GPHN: variants seen among roughly 807,000 people sequenced by gnomAD.
The protein encoded by GPHN is gephyrin.
Under a neutral mutation model 95.5 loss-of-function variants are expected in GPHN, and 17 were observed. That is an observed-to-expected ratio of 0.18 (90% CI 0.12 to 0.27). GPHN has a LOEUF of 0.27. Among genes scored for constraint, GPHN ranks in the 10% least tolerant of loss-of-function variants. The pLI is 1.00. For synonymous variants in GPHN, 320 were observed against 322.5 expected, an observed-to-expected ratio of 0.99 and a Z score of 0.08; for missense variants, 660 against 978.1, an observed-to-expected ratio of 0.67 and a Z score of 4.34.
intron 8 of GPHN, among the ~76,000 whole-genome samples, chr14:66,941,201 T>C (rs1049167929): frequency 5.3e-5 from 8 of 152,130 alleles, no homozygotes; most frequent in African/African-American, 7.2e-5. Flanking sequence ...TAGAATGTAA[T>C]GACAAATGTA....
the GPHN span, among the ~76,000 whole-genome samples, chr14:67,606,183 G>GA: frequency 1.1e-4 from 17 of 152,068 alleles, no homozygotes; most frequent in African/African-American, 4.1e-4. Context: ...ATGACAGTGG[G>GA]AAAAAAATAG....
the GPHN span, among the ~76,000 whole-genome samples, chr14:67,284,783 A>G: frequency 4.6e-5 from 7 of 151,944 alleles, no homozygotes; most frequent in East Asian, 9.6e-4. Flanking sequence ...ACTTACCATT[A>G]TGTTTTCAGG....
intron 10 of GPHN, among the ~76,000 whole-genome samples, chr14:67,027,671 C>T (rs954323872): frequency 4.0e-5 from 6 of 151,666 alleles, no homozygotes; most frequent in South Asian, 4.2e-4. Context: ...TGTGTTTTAT[C>T]GGACAAGTGG....
the GPHN span, chr14:67,270,332 T>C: frequency 2.0e-5 from 3 of 152,254 alleles, no homozygotes; most frequent in Admixed American, 2.0e-4. Flanking sequence ...CTTTGTGGAC[T>C]ATGTAAAGAT....
the GPHN span, chr14:67,662,409 C>A: frequency 7.5e-7 from 1 of 1,331,044 alleles, no homozygotes; most frequent in East Asian, 2.3e-5. Flanking sequence ...TTGTGATCAG[C>A]TCATAGCATT....
chr14:67,545,649 C>A, the GPHN span, among the ~76,000 whole-genome samples: 3 of 152,134 alleles, frequency 2.0e-5, no homozygotes, highest in Non-Finnish European at 4.4e-5. Context: ...TGGAAACATT[C>A]TAAATGTCCA....
At chr14:67,005,635 A>AT (rs2072552886) in intron 9 of GPHN, among the ~76,000 whole-genome samples, 3 of 151,824 alleles carry the variant, frequency 2.0e-5, no homozygotes, top group Admixed American at 2.0e-4. Flanking sequence ...CTCATGTTTC[A>AT]TTTTTCAGTG....
At chr14:67,474,265 C>CA in the GPHN span, among the ~76,000 whole-genome samples, 1,748 of 144,808 alleles carry the variant, frequency 0.012, 28 homozygotes, top group African/African-American at 0.039. Context: ...AAAAACAAAA[C>CA]AAAAAAAAAA....
At chr14:66,587,263 T>G (rs1478395771) in intron 1 of GPHN, among the ~76,000 whole-genome samples, 1 of 152,170 alleles carries the variant, frequency 6.6e-6, no homozygotes, top group African/African-American at 2.4e-5. Context: ...GTGAAAAAGT[T>G]CAGGACTTGA....
intron 4 of GPHN, among the ~76,000 whole-genome samples, chr14:66,837,393 A>G (rs1447681981): frequency 2.1e-4 from 28 of 134,748 alleles, no homozygotes; most frequent in African/African-American, 3.4e-4. Flanking sequence ...GAATTGAACA[A>G]TGAGATCACA....
the GPHN span, chr14:67,727,039 G>C: frequency 1.9e-6 from 3 of 1,613,858 alleles, no homozygotes; most frequent in Non-Finnish European, 1.7e-6. Flanking sequence ...CCCCTGCACG[G>C]GTGGTTAATG....
chr14:66,824,412 G>A (rs2061319602), intron 3 of GPHN, 62 bp from the exon 4 acceptor site: 3 of 794,986 alleles, frequency 3.8e-6, no homozygotes, highest in African/African-American at 1.7e-5. Flanking sequence ...TCCTAGGACT[G>A]GGATGTTTTG....
chr14:66,745,810 A>T (rs1197549198), intron 2 of GPHN, among the ~76,000 whole-genome samples: 3 of 151,846 alleles, frequency 2.0e-5, no homozygotes, highest in Admixed American at 6.5e-5. Context: ...TTTAATTTTT[A>T]AAAATAATAA....
intron 1 of GPHN, among the ~76,000 whole-genome samples, chr14:66,577,461 A>G (rs1189131057): frequency 6.6e-6 from 1 of 152,168 alleles, no homozygotes; most frequent in Non-Finnish European, 1.5e-5. Context: ...GTAAGTTCCT[A>G]GATAAATCTA....
chr14:66,722,719 A>G (rs905503514), intron 2 of GPHN, among the ~76,000 whole-genome samples: 15 of 152,162 alleles, frequency 9.9e-5, no homozygotes, highest in Non-Finnish European at 1.6e-4. Context: ...CTGGGATTAC[A>G]GGAGTGAGCC....
rs181089063 is a variant in GPHN at position 66,929,401 on chromosome 14, G to T, written c.828+5109G>T. Among the ~76,000 whole-genome samples, 16 of 152,200 alleles carry T rather than the reference G, an allele frequency of 1.1e-4. No individual in the cohort carries two copies. In the East Asian group the frequency reaches 3.1e-3, roughly 29 times the overall value. ...GAATCTGTCCAATGTTTAAAGTGGG[G>T]TGTTGAAGTCTCCAGCTATTGGCAT... On this transcript the variant is annotated intron_variant, in intron 8 of 22. Transcript: ENST00000478722.
At chr14:66,539,409 C>CTTTTTTTTTTTT (rs1000117893) in intron 1 of GPHN, among the ~76,000 whole-genome samples, 1 of 101,844 alleles carries the variant, frequency 9.8e-6, no homozygotes, top group African/African-American at 4.3e-5. Context: ...TTTCTACTTT[C>CTTTTTTTTTTTT]TTTTTTTTTT....
chr14:67,724,550 C>A, the GPHN span: 3 of 1,613,978 alleles, frequency 1.9e-6, no homozygotes, highest in Admixed American at 1.7e-5. Context: ...GGCGCCAACA[C>A]GGGCATTGGC....
At chr14:66,759,690 T>C (rs2058692500) in intron 2 of GPHN, among the ~76,000 whole-genome samples, 1 of 152,190 alleles carries the variant, frequency 6.6e-6, no homozygotes. Context: ...GCAACTCTGT[T>C]ACTTTTAAGT....
Sources: gnomAD v4.1 joint callset for allele counts (sites outside exome capture counted in the v4.1 genomes callset) on GRCh38, gnomAD v4.1.1 for gene constraint, MANE v1.5 for transcripts, NCBI Gene and HGNC (gene_info 2026-07-23, HGNC 2026-07-21) for gene names.